Variants in STX18 observed in about 807,000 individuals in gnomAD.
STX18 encodes syntaxin 18.
Under a neutral mutation model 50.1 loss-of-function variants are expected in STX18, and 40 were observed. The observed-to-expected ratio is 0.80, with a 90% CI of 0.62 to 1.04. The LOEUF (loss-of-function observed/expected upper bound fraction) is 1.04, where lower values mean the gene tolerates loss of function less well. Ranked by LOEUF, STX18 falls within the 50% of genes least tolerant of loss-of-function variation. The pLI is 0.00. For missense variants in STX18, 410 were observed against 415.8 expected (o/e 0.99, Z 0.12); for synonymous variants, 158 against 151.8 (o/e 1.04, Z -0.30).
intron 5 of STX18, among the ~76,000 whole-genome samples, chr4:4,444,890 A>G (rs1470482783): frequency 6.6e-6 from 1 of 152,212 alleles, no homozygotes. Context: ...CCAACACTTC[A>G]TACTTAATGG....
intron 1 of STX18, among the ~76,000 whole-genome samples, chr4:4,534,757 A>G (rs1382416198): frequency 2.6e-5 from 4 of 152,278 alleles, no homozygotes; most frequent in Non-Finnish European, 5.9e-5. Flanking sequence ...CTAAAGGGTC[A>G]TACAGTAAAT....
At chr4:4,437,516 T>C (rs375220791) in intron 6 of STX18, 2 of 754,496 alleles carry the variant, frequency 2.7e-6, no homozygotes, top group African/African-American at 3.8e-5. Context: ...ATGCAAAAAT[T>C]TGAAAAAACC....
intron 1 of STX18, among the ~76,000 whole-genome samples, chr4:4,527,856 A>G: frequency 9.3e-6 from 1 of 107,502 alleles, no homozygotes; most frequent in South Asian, 2.9e-4. Flanking sequence ...ATATATACAC[A>G]CACACACACA....
chr4:4,494,130 G>A lies in STX18; in HGVS notation c.169-22424C>T, dbSNP rs529560361. ...TGAGGGTTACATAACATATACATGA[G>A]CACACTGAAGTGATAGAGAAGACAA... On this transcript the variant is annotated intron_variant, in intron 1 of 10. Transcript: ENST00000306200. Among the ~76,000 whole-genome samples, 141 of 152,260 alleles carry A rather than the reference G, an allele frequency of 9.3e-4. 1 individual carries two copies. Among genetic ancestry groups the A allele is most frequent in the Non-Finnish European group, 1.6e-3 (111 of 68,032 alleles).
chr4:4,471,575 A>G lies in STX18; in HGVS notation c.236+64T>C, dbSNP rs1235005920. The G allele has an allele frequency of 4.3e-6, 5 of 1,154,726 alleles. No homozygotes were observed. In the East Asian group the frequency reaches 7.9e-5, roughly 18 times the overall value. The allele number at this position is 1,154,726 out of a possible 1,614,324, so 71.5% of individuals were successfully genotyped here. On this transcript the variant is annotated intron_variant, in intron 2 of 10. Transcript: ENST00000306200. ...GAAAAAGGTGAGGGCAAAAAGCGCA[A>G]AAGAAATATAGGTGTAGAAAAGAAC...
At chr4:4,517,431 C>A (rs1730322165) in intron 1 of STX18, among the ~76,000 whole-genome samples, 1 of 152,134 alleles carries the variant, frequency 6.6e-6, no homozygotes, top group African/African-American at 2.4e-5. Context: ...TGTTTTCACA[C>A]AGAAGGAAAA....
In STX18 at chr4:4,498,554, C is replaced by T. The variant is rs114812853; in HGVS notation, c.169-26848G>A. ...AAGTAAGCACCTGTGTTTGGATTAT[C>T]TATATCATTGCTCCAATCCAAAATC... On this transcript the variant is annotated intron_variant, in intron 1 of 10. Transcript: ENST00000306200. 3.2e-3 allele frequency among the ~76,000 whole-genome samples: 487 copies of T among 152,246 alleles called. 1 individual carries two copies. The highest frequency in any genetic ancestry group is 0.011 in the African/African-American group (454 of 41,556).
Position 4,458,836 on chromosome 4 carries a change from C to T in STX18, c.352+536G>A, listed in dbSNP as rs1210653337. ...TTTGCAGAGGGCTATATGGCTCGGA[C>T]GGGTGGAGTTGGGGTGCAACCTAAG... On this transcript the variant is annotated intron_variant, in intron 3 of 10. Transcript: ENST00000306200. Among the ~76,000 whole-genome samples the T allele has an allele frequency of 5.3e-5, 8 of 152,266 alleles. No individual in the cohort carries two copies. In the East Asian group the frequency reaches 9.6e-4, roughly 18 times the overall value.
chr4:4,428,559 T>A (rs530638742), intron 7 of STX18, among the ~76,000 whole-genome samples: 2 of 152,118 alleles, frequency 1.3e-5, no homozygotes, highest in East Asian at 3.9e-4. Flanking sequence ...TTTAATCTCT[T>A]GGGTGTCAGT....
chr4:4,500,156 C>T (rs531567064), intron 1 of STX18, among the ~76,000 whole-genome samples: 48 of 152,032 alleles, frequency 3.2e-4, no homozygotes, highest in Non-Finnish European at 6.6e-4. Flanking sequence ...GGAGAGTTTA[C>T]GAGATATGCA....
intron 2 of STX18, among the ~76,000 whole-genome samples, chr4:4,460,011 C>T (rs1284937309): frequency 1.3e-5 from 2 of 152,178 alleles, no homozygotes; most frequent in Admixed American, 1.3e-4. Flanking sequence ...CTCCATGTTG[C>T]CCTCTTAATG....
At chr4:4,524,680 G>C (rs1214348224) in intron 1 of STX18, among the ~76,000 whole-genome samples, 1 of 152,238 alleles carries the variant, frequency 6.6e-6, no homozygotes, top group Non-Finnish European at 1.5e-5. Context: ...AACCAGGCCT[G>C]TGGTGACACT....
At chr4:4,451,881 G>A (rs1328934228) in intron 5 of STX18, among the ~76,000 whole-genome samples, 1 of 152,198 alleles carries the variant, frequency 6.6e-6, no homozygotes, top group Non-Finnish European at 1.5e-5. Flanking sequence ...GAAGTCAAAA[G>A]CTAGAAATTA....
At chr4:4,533,993 C>T (rs1024316109) in intron 1 of STX18, among the ~76,000 whole-genome samples, 2 of 152,144 alleles carry the variant, frequency 1.3e-5, no homozygotes, top group African/African-American at 4.8e-5. Flanking sequence ...ACCTGGCATC[C>T]ACACGGGCCA....
At chr4:4,456,849 A>G (rs1174794305) in intron 5 of STX18, among the ~76,000 whole-genome samples, 1 of 152,238 alleles carries the variant, frequency 6.6e-6, no homozygotes, top group Admixed American at 6.5e-5. Context: ...CAAAATGGGC[A>G]AGAGCACAGA....
intron 1 of STX18, among the ~76,000 whole-genome samples, chr4:4,508,460 T>C (rs529962175): frequency 6.6e-6 from 1 of 152,322 alleles, no homozygotes; most frequent in African/African-American, 2.4e-5. Context: ...AGTTTGTTAC[T>C]TGGAGACCAG....
At chr4:4,458,602 C>A (rs974915694) in intron 3 of STX18, among the ~76,000 whole-genome samples, 4 of 152,156 alleles carry the variant, frequency 2.6e-5, no homozygotes, top group Non-Finnish European at 4.4e-5. Flanking sequence ...AAAAAAGAAT[C>A]AAGAAAGAGG....
rs1401604184 is a variant in STX18 at position 4,423,515 on chromosome 4, T to A, written c.831+3A>T. 1 of 1,614,080 alleles carries A rather than the reference T, an allele frequency of 6.2e-7. No individual in the cohort carries two copies. Among genetic ancestry groups the A allele is most frequent in the Non-Finnish European group, 8.5e-7 (1 of 1,180,024 alleles). Reference sequence around the variant, plus strand: ...TACAGCTCCTTTGTTTTTGTTTTTTTACCTGTTGCAAAACCTTTTCCGTGA... The same window carrying A: ...TACAGCTCCTTTGTTTTTGTTTTTTAACCTGTTGCAAAACCTTTTCCGTGA... On this transcript the variant is annotated splice_donor_region_variant and intron_variant, in intron 9 of 10. Transcript: ENST00000306200.
intron 2 of STX18, among the ~76,000 whole-genome samples, chr4:4,466,013 T>A (rs894766168): frequency 2.6e-5 from 4 of 152,206 alleles, no homozygotes; most frequent in African/African-American, 9.6e-5. Flanking sequence ...ACTATAAACA[T>A]GCAGAGATGA....
Sources: allele counts gnomAD v4.1 joint callset (sites outside exome capture counted in the v4.1 genomes callset), GRCh38; gene constraint gnomAD v4.1.1; transcripts MANE v1.5; gene names NCBI Gene and HGNC (gene_info 2026-07-23, HGNC 2026-07-21).